Variants in CTNND2 observed in about 807,000 individuals in gnomAD.
The protein encoded by CTNND2 is catenin delta 2, also known as catenin delta-2.
In CTNND2, 22 loss-of-function variants were observed where a neutral mutation model predicts 144.4. The observed-to-expected ratio is 0.15, with a 90% CI of 0.11 to 0.22. The LOEUF (loss-of-function observed/expected upper bound fraction) is 0.22. Ranked by LOEUF, CTNND2 falls within the 10% of genes least tolerant of loss-of-function variation. CTNND2 has a pLI of 1.00. For missense variants in CTNND2, 1,353 were observed against 1,618.8 expected, an observed-to-expected ratio of 0.84 and a Z score of 2.82; for synonymous variants, 751 against 695.6, an observed-to-expected ratio of 1.08 and a Z score of -1.25.
At chr5:11,793,382 T>C (rs533367191) in intron 1 of CTNND2, among the ~76,000 whole-genome samples, 2 of 152,210 alleles carry the variant, frequency 1.3e-5, no homozygotes, top group East Asian at 1.9e-4. Context: ...ATAAACTGTG[T>C]CCCTCCCAAG....
At chr5:10,984,086 G>T (rs1737636175) in intron 20 of CTNND2, among the ~76,000 whole-genome samples, 1 of 152,126 alleles carries the variant, frequency 6.6e-6, no homozygotes, top group South Asian at 2.1e-4. Flanking sequence ...TCATTACCCT[G>T]ATCAGTTTCT....
At chr5:11,262,401 A>C (rs1056106760) in intron 9 of CTNND2, among the ~76,000 whole-genome samples, 1 of 152,170 alleles carries the variant, frequency 6.6e-6, no homozygotes, top group African/African-American at 2.4e-5. Context: ...GTGGAGCTCC[A>C]TACTATTTTC....
intron 21 of CTNND2, among the ~76,000 whole-genome samples, chr5:10,976,880 G>A (rs1239432811): frequency 6.6e-6 from 1 of 152,188 alleles, no homozygotes; most frequent in Non-Finnish European, 1.5e-5. Flanking sequence ...AGAAAATGAA[G>A]GAGGCCAGAT....
chr5:11,837,001 T>A (rs1008403756), intron 1 of CTNND2, among the ~76,000 whole-genome samples: 4 of 152,174 alleles, frequency 2.6e-5, no homozygotes, highest in African/African-American at 9.7e-5. Context: ...ACTATTAGGA[T>A]ATGAGAACAG....
At chr5:11,648,084 C>G (rs1342229112) in intron 2 of CTNND2, among the ~76,000 whole-genome samples, 1 of 151,836 alleles carries the variant, frequency 6.6e-6, no homozygotes, top group African/African-American at 2.4e-5. Flanking sequence ...TTTATCATAT[C>G]ACTTAGCACA....
chr5:11,591,247 T>C (rs1428149242), intron 2 of CTNND2, among the ~76,000 whole-genome samples: 1 of 152,182 alleles, frequency 6.6e-6, no homozygotes, highest in Non-Finnish European at 1.5e-5. Context: ...TTATACAACT[T>C]TGGGATCACA....
intron 9 of CTNND2, among the ~76,000 whole-genome samples, chr5:11,344,802 G>A (rs1021852496): frequency 2.6e-5 from 4 of 151,594 alleles, no homozygotes; most frequent in Non-Finnish European, 4.4e-5. Context: ...ATTGAGAGAA[G>A]AAAAAAGGCT....
chr5:11,860,799 C>G (rs1795467089), intron 1 of CTNND2, among the ~76,000 whole-genome samples: 1 of 152,106 alleles, frequency 6.6e-6, no homozygotes, highest in Non-Finnish European at 1.5e-5. Context: ...CTCCGTTACT[C>G]CAGGGTCTTG....
intron 9 of CTNND2, among the ~76,000 whole-genome samples, chr5:11,278,460 A>C (rs964858935): frequency 1.3e-5 from 2 of 152,222 alleles, no homozygotes; most frequent in African/African-American, 4.8e-5. Flanking sequence ...GAGGGAAGAC[A>C]TCAAAGCATG....
chr5:11,346,427 G>C lies in CTNND2; in HGVS notation c.1573C>G (p.Pro525Ala). The C allele has an allele frequency of 1.3e-6, 2 of 1,545,938 alleles. No individual in the cohort carries two copies. The highest frequency in any genetic ancestry group is 8.8e-7 in the Non-Finnish European group (1 of 1,142,042). Reference sequence around the variant, plus strand: ...GGGGACCTGGCCAAGGTGCCTTCAGGCGGGAGAGCAGGGCCGGATTTGCTG... The same window carrying C: ...GGGGACCTGGCCAAGGTGCCTTCAGCCGGGAGAGCAGGGCCGGATTTGCTG... ...PYSKSGPALP[P>A]EGTLARSPSI... Residue 525 changes from proline to alanine, a missense_variant, in exon 9 of 22, where the codon CCT (proline) becomes GCT (alanine). This residue lies in a region of CTNND2 where 708 missense variants were observed against 706.4 expected (regional missense o/e 1.00). Coordinates refer to ENST00000304623, the MANE Select transcript of CTNND2 (RefSeq NM_001332.4).
chr5:11,577,618 G>A (rs1778066768), intron 2 of CTNND2, among the ~76,000 whole-genome samples: 1 of 152,178 alleles, frequency 6.6e-6, no homozygotes, highest in Admixed American at 6.5e-5. Flanking sequence ...GTGTGTGGTT[G>A]TGTTTCAGAG....
intron 20 of CTNND2, among the ~76,000 whole-genome samples, chr5:10,983,518 A>C (rs1028000401): frequency 2.6e-5 from 4 of 152,188 alleles, no homozygotes; most frequent in African/African-American, 9.7e-5. Flanking sequence ...TGTGCAATAA[A>C]ATTCCTCCTG....
intron 2 of CTNND2, among the ~76,000 whole-genome samples, chr5:11,668,115 T>C (rs1173280524): frequency 1.3e-5 from 2 of 152,326 alleles, no homozygotes; most frequent in East Asian, 3.9e-4. Context: ...TTCTGTTCCA[T>C]TGGTCTATAT....
At chr5:11,302,353 A>G (rs953561120) in intron 9 of CTNND2, among the ~76,000 whole-genome samples, 1 of 151,992 alleles carries the variant, frequency 6.6e-6, no homozygotes, top group African/African-American at 2.4e-5. Flanking sequence ...AGTCTTGCAC[A>G]CCTGGAGACA....
Position 11,272,296 on chromosome 5 carries a change from T to C in CTNND2, c.1629-35473A>G, listed in dbSNP as rs76917614. Reference sequence around the variant, plus strand: ...AGCCACTCAGATTATTTTATATCCATCAATTATGATATATTCATTAGTCTT... The same window carrying C: ...AGCCACTCAGATTATTTTATATCCACCAATTATGATATATTCATTAGTCTT... On this transcript the variant is annotated intron_variant, in intron 9 of 21. Coordinates refer to ENST00000304623, the MANE Select transcript of CTNND2 (RefSeq NM_001332.4). 3.6e-3 allele frequency among the ~76,000 whole-genome samples: 553 copies of C among 152,334 alleles called. 3 individuals are homozygous for C. The highest frequency in any genetic ancestry group is 0.013 in the African/African-American group (522 of 41,570).
chr5:11,043,739 A>G (rs769355324), intron 16 of CTNND2, among the ~76,000 whole-genome samples: 2 of 152,194 alleles, frequency 1.3e-5, no homozygotes, highest in Non-Finnish European at 2.9e-5. Context: ...AGGAAAAGAA[A>G]AGAAGCTGCA....
At chr5:10,982,872 T>C (rs1737464114) in intron 20 of CTNND2, among the ~76,000 whole-genome samples, 1 of 152,196 alleles carries the variant, frequency 6.6e-6, no homozygotes, top group African/African-American at 2.4e-5. Context: ...GGAGGTGATT[T>C]ATGTTAAGTG....
chr5:11,231,534 C>T (rs141858004), intron 10 of CTNND2, among the ~76,000 whole-genome samples: 3 of 152,266 alleles, frequency 2.0e-5, no homozygotes, highest in African/African-American at 7.2e-5. Context: ...AGAAAAGAGA[C>T]TGGCAGCATT....
At chr5:11,740,057 A>C (rs1219327175) in intron 1 of CTNND2, among the ~76,000 whole-genome samples, 1 of 152,238 alleles carries the variant, frequency 6.6e-6, no homozygotes, top group Non-Finnish European at 1.5e-5. Context: ...AACAAATGCA[A>C]GAACATTCCA....
Sources: allele counts gnomAD v4.1 joint callset (sites outside exome capture counted in the v4.1 genomes callset), GRCh38; gene constraint gnomAD v4.1.1; regional missense constraint gnomAD v4.1.1; transcripts MANE v1.5; gene names NCBI Gene and HGNC (gene_info 2026-07-23, HGNC 2026-07-21).